LUZP2: variants seen among roughly 807,000 people sequenced by gnomAD.
The protein encoded by LUZP2 is leucine zipper protein 2.
In LUZP2, 52 loss-of-function variants were observed where a neutral mutation model predicts 51.6. That is an observed-to-expected ratio of 1.01 (90% CI 0.81 to 1.27). LUZP2 has a LOEUF of 1.27. Among genes scored for constraint, LUZP2 ranks in the 50% most tolerant of loss-of-function variants. LUZP2 has a pLI of 0.00. For missense variants in LUZP2, 436 were observed against 395.4 expected (o/e 1.10, Z -0.87); for synonymous variants, 154 against 137.3 (o/e 1.12, Z -0.85).
At chr11:24,581,066 T>C (rs1852835287) in intron 1 of LUZP2, among the ~76,000 whole-genome samples, 1 of 152,030 alleles carries the variant, frequency 6.6e-6, no homozygotes, top group Non-Finnish European at 1.5e-5. Flanking sequence ...TTAGTCCACC[T>C]CAGTCTTGTA....
chr11:24,985,534 A>G (rs1189741620), intron 9 of LUZP2, among the ~76,000 whole-genome samples: 1 of 151,812 alleles, frequency 6.6e-6, no homozygotes, highest in Non-Finnish European at 1.5e-5. Flanking sequence ...TGACCTATGT[A>G]GGAGAGGATG....
rs150282699 is a variant in LUZP2 at position 24,508,570 on chromosome 11, T to C, written c.62+11265T>C. 1.4e-4 allele frequency among the ~76,000 whole-genome samples: 22 copies of C among 152,240 alleles called. No homozygotes were observed. In the East Asian group the frequency reaches 4.3e-3, roughly 29 times the overall value. On this transcript the variant is annotated intron_variant, in intron 1 of 11. Coordinates refer to ENST00000336930, the MANE Select transcript of LUZP2 (RefSeq NM_001009909.4). The stretch of plus-strand genomic sequence containing the variant: ...CCTGGCTCCAGATGTCTTCCAAGTG[T>C]TAATTGTGGGGCTTAGGAACAAATG...
chr11:24,789,275 T>C (rs1163887052), intron 5 of LUZP2, among the ~76,000 whole-genome samples: 1 of 152,188 alleles, frequency 6.6e-6, no homozygotes, highest in East Asian at 1.9e-4. Context: ...ATCCTCTATA[T>C]ATGGTCAACT....
intron 1 of LUZP2, among the ~76,000 whole-genome samples, chr11:24,705,204 T>C (rs948218987): frequency 1.3e-5 from 2 of 152,198 alleles, no homozygotes; most frequent in South Asian, 2.1e-4. Flanking sequence ...TTGTTCTTTT[T>C]ATATTTTTTA....
chr11:24,552,656 C>T (rs12273206), intron 1 of LUZP2, among the ~76,000 whole-genome samples: 63,133 of 151,616 alleles, frequency 0.42, 14,125 homozygotes, highest in East Asian at 0.58. Context: ...TTCTCTATAA[C>T]AGCGAACATA....
chr11:25,033,321 C>T (rs1023870274), intron 9 of LUZP2, among the ~76,000 whole-genome samples: 5 of 152,092 alleles, frequency 3.3e-5, no homozygotes, highest in African/African-American at 1.2e-4. Flanking sequence ...GCCCGGTATG[C>T]TAAGGAAAGC....
intron 5 of LUZP2, among the ~76,000 whole-genome samples, chr11:24,810,463 G>A (rs2716474): frequency 0.63 from 95,724 of 151,992 alleles, 30,471 homozygotes; most frequent in Admixed American, 0.72. Flanking sequence ...ACATAACCTG[G>A]TTAACAAAAT....
chr11:24,905,491 G>A (rs566190960), intron 5 of LUZP2, among the ~76,000 whole-genome samples: 2 of 152,150 alleles, frequency 1.3e-5, no homozygotes, highest in African/African-American at 4.8e-5. Flanking sequence ...TCATACCATT[G>A]CACTCCAGCC....
chr11:24,964,097 A>G (rs1033605851), intron 7 of LUZP2, among the ~76,000 whole-genome samples: 5 of 152,204 alleles, frequency 3.3e-5, no homozygotes, highest in Admixed American at 3.3e-4. Context: ...GTTTTCTTCA[A>G]TGGCTGTACT....
At chr11:24,891,152 A>G (rs1231458143) in intron 5 of LUZP2, 16 of 984,030 alleles carry the variant, frequency 1.6e-5, no homozygotes, top group Admixed American at 6.2e-5. Flanking sequence ...TAAAATTGAC[A>G]AAAGTCTACT....
chr11:24,806,714 A>G (rs1849865506), intron 5 of LUZP2, among the ~76,000 whole-genome samples: 1 of 152,158 alleles, frequency 6.6e-6, no homozygotes, highest in African/African-American at 2.4e-5. Context: ...TGTTATTTCT[A>G]TCAATTCTCC....
intron 1 of LUZP2, among the ~76,000 whole-genome samples, chr11:24,522,205 T>C (rs1850662214): frequency 6.6e-6 from 1 of 152,196 alleles, no homozygotes; most frequent in African/African-American, 2.4e-5. Context: ...TGTGTCTTTT[T>C]CTTTAAATTC....
chr11:24,840,174 TA>T (rs922009767), intron 5 of LUZP2, among the ~76,000 whole-genome samples: 3 of 151,858 alleles, frequency 2.0e-5, no homozygotes, highest in Non-Finnish European at 4.4e-5. Flanking sequence ...GCTTACTGAT[TA>T]TTTTAAACTC....
At position 24,901,683 on chromosome 11, in the gene LUZP2, C is replaced by G. The variant is rs150807553; in HGVS notation, c.397-4308C>G. 4.9e-3 allele frequency among the ~76,000 whole-genome samples: 749 copies of G among 152,230 alleles called. 9 individuals are homozygous for G. The highest frequency in any genetic ancestry group is 4.8e-3 in the Non-Finnish European group (324 of 68,016). ...TAGGGAGACTCCCCACCCTTGATAT[C>G]TAAACCTGATCAAGTGGCTTTCAGA... On this transcript the variant is annotated intron_variant, in intron 5 of 11. Coordinates refer to ENST00000336930, the MANE Select transcript of LUZP2 (RefSeq NM_001009909.4).
At chr11:24,741,151 G>A (rs1025030504) in intron 4 of LUZP2, among the ~76,000 whole-genome samples, 1 of 151,770 alleles carries the variant, frequency 6.6e-6, no homozygotes, top group Admixed American at 6.6e-5. Context: ...ATTTTGTTTT[G>A]CAATTTCTGC....
intron 8 of LUZP2, among the ~76,000 whole-genome samples, chr11:24,982,051 C>T (rs2133912749): frequency 6.6e-6 from 1 of 151,976 alleles, no homozygotes; most frequent in East Asian, 1.9e-4. Flanking sequence ...GAATCAAAAT[C>T]ACAATGAGAT....
In LUZP2 at chr11:24,771,561, C is replaced by A. The variant is rs538485378; in HGVS notation, c.396+8253C>A. On this transcript the variant is annotated intron_variant, in intron 5 of 11. Coordinates refer to ENST00000336930, the MANE Select transcript of LUZP2 (RefSeq NM_001009909.4). ...GCATATATTGAGAATATATTAAGAC[C>A]ATATTCAAGTCTGTTCTTACTAGTA... 2.6e-4 allele frequency among the ~76,000 whole-genome samples: 40 copies of A among 151,184 alleles called. No individual in the cohort carries two copies. The South Asian group carries it at 6.7e-3, about 25-fold the overall frequency.
chr11:25,007,551 C>G (rs776229140), intron 9 of LUZP2, among the ~76,000 whole-genome samples: 1 of 151,956 alleles, frequency 6.6e-6, no homozygotes, highest in African/African-American at 2.4e-5. Context: ...TGCAGTGGGC[C>G]GAGCTCACAC....
At chr11:24,924,777 G>A (rs1438034628) in intron 7 of LUZP2, among the ~76,000 whole-genome samples, 1 of 152,152 alleles carries the variant, frequency 6.6e-6, no homozygotes, top group African/African-American at 2.4e-5. Flanking sequence ...TTAGGCTAGG[G>A]AGATGATAGG....
Sources: gnomAD v4.1 joint callset for allele counts (sites outside exome capture counted in the v4.1 genomes callset) on GRCh38, gnomAD v4.1.1 for gene constraint, MANE v1.5 for transcripts, NCBI Gene and HGNC (gene_info 2026-07-23, HGNC 2026-07-21) for gene names.